The following FNDC3B variants were observed in gnomAD, a reference collection of about 807,000 sequenced individuals.
FNDC3B encodes the protein fibronectin type III domain containing 3B.
Under a neutral mutation model 151.5 loss-of-function variants are expected in FNDC3B, and 12 were observed. The ratio of observed to expected loss-of-function variants is 0.08; its 90% CI spans 0.05 to 0.13. FNDC3B has a LOEUF of 0.13. FNDC3B is among the 10% of genes least tolerant of loss of function. The pLI, the probability that FNDC3B is intolerant of heterozygous loss-of-function variation, is 1.00. For synonymous variants in FNDC3B, 528 were observed against 549.0 expected, an observed-to-expected ratio of 0.96 and a Z score of 0.54; for missense variants, 1,214 against 1,505.3, an observed-to-expected ratio of 0.81 and a Z score of 3.20.
intron 25 of FNDC3B, among the ~76,000 whole-genome samples, chr3:172,395,561 G>A (rs975786723): frequency 6.6e-6 from 1 of 152,136 alleles, no homozygotes; most frequent in African/African-American, 2.4e-5. Context: ...GAAAACTCAA[G>A]ACAGACCACC....
At chr3:172,367,970 G>A (rs1273121961) in intron 23 of FNDC3B, among the ~76,000 whole-genome samples, 2 of 152,190 alleles carry the variant, frequency 1.3e-5, no homozygotes, top group Admixed American at 6.5e-5. Context: ...GCTTTGTCAT[G>A]TTTACAGGGA....
chr3:172,129,589 T>G (rs1026312207), intron 2 of FNDC3B, among the ~76,000 whole-genome samples: 1 of 152,218 alleles, frequency 6.6e-6, no homozygotes, highest in African/African-American at 2.4e-5. Flanking sequence ...AACTCTTGTT[T>G]TATTGTTTCT....
At chr3:172,244,022 G>T (rs1012598553) in intron 4 of FNDC3B, among the ~76,000 whole-genome samples, 14 of 152,176 alleles carry the variant, frequency 9.2e-5, no homozygotes, top group African/African-American at 3.4e-4. Context: ...TATTTATTCT[G>T]ATTTCTGAAA....
At chr3:172,313,765 T>C (rs1326717581) in intron 11 of FNDC3B, among the ~76,000 whole-genome samples, 1 of 152,118 alleles carries the variant, frequency 6.6e-6, no homozygotes, top group Non-Finnish European at 1.5e-5. Flanking sequence ...CTTATAAAGA[T>C]GAAAAAATGG....
intron 25 of FNDC3B, among the ~76,000 whole-genome samples, chr3:172,393,229 C>G (rs959567751): frequency 1.6e-4 from 25 of 152,084 alleles, no homozygotes; most frequent in African/African-American, 5.3e-4. Context: ...CAAAAGAAAG[C>G]AGGGATAGCT....
chr3:172,121,680 A>T (rs1233029910), intron 2 of FNDC3B, among the ~76,000 whole-genome samples: 1 of 152,128 alleles, frequency 6.6e-6, no homozygotes, highest in Non-Finnish European at 1.5e-5. Context: ...TTAAGGGTAA[A>T]CTTTTCCTGG....
At chr3:172,226,416 AAAT>A (rs1386439773) in intron 3 of FNDC3B, among the ~76,000 whole-genome samples, 1 of 152,160 alleles carries the variant, frequency 6.6e-6, no homozygotes, top group African/African-American at 2.4e-5. Context: ...AATTTATTAA[AAAT>A]AATCTAACTG....
chr3:172,109,847 C>T (rs962137984), intron 1 of FNDC3B, among the ~76,000 whole-genome samples: 8 of 152,214 alleles, frequency 5.3e-5, no homozygotes, highest in Non-Finnish European at 1.5e-5. Context: ...ATAATGATCT[C>T]CTTGTGCCAG....
At position 172,221,688 on chromosome 3, in the gene FNDC3B, T is replaced by TA. The variant is rs992716311; in HGVS notation, c.188-5171dup. 2.6e-3 allele frequency among the ~76,000 whole-genome samples: 382 copies of TA among 145,922 alleles called. 1 individual carries two copies. The highest frequency in any genetic ancestry group is 6.1e-3 in the African/African-American group (243 of 40,048). ...TGGGATTAATCAGTGTTGAATAATT[T>TA]AAAAAAAAAAAAGAATGTCAAGGCT... On this transcript the variant is annotated intron_variant, in intron 3 of 25. Coordinates refer to ENST00000415807, the MANE Select transcript of FNDC3B (RefSeq NM_022763.4).
intron 1 of FNDC3B, among the ~76,000 whole-genome samples, chr3:172,084,343 C>T (rs909708886): frequency 6.6e-6 from 1 of 151,882 alleles, no homozygotes; most frequent in Non-Finnish European, 1.5e-5. Context: ...CCCAGCTATT[C>T]GGGAGGCAGA....
intron 6 of FNDC3B, among the ~76,000 whole-genome samples, chr3:172,280,488 A>T (rs1729651989): frequency 6.6e-6 from 1 of 152,226 alleles, no homozygotes; most frequent in Non-Finnish European, 1.5e-5. Context: ...TGTTAAAGAG[A>T]GTAGCTATGT....
intron 1 of FNDC3B, among the ~76,000 whole-genome samples, chr3:172,106,093 G>C (rs1212639165): frequency 1.3e-5 from 2 of 152,128 alleles, no homozygotes; most frequent in Admixed American, 1.3e-4. Flanking sequence ...TATTTGATGG[G>C]TTTTGAATTG....
chr3:172,058,453 CTT>C (rs76956209), intron 1 of FNDC3B, among the ~76,000 whole-genome samples: 45 of 135,050 alleles, frequency 3.3e-4, no homozygotes, highest in Admixed American at 3.0e-4. Flanking sequence ...CCTTAATTTT[CTT>C]TTTTTTTTTT....
intron 3 of FNDC3B, among the ~76,000 whole-genome samples, chr3:172,179,838 A>G (rs1723792931): frequency 7.2e-6 from 1 of 139,674 alleles, no homozygotes; most frequent in Non-Finnish European, 1.5e-5. Flanking sequence ...AGCCCAGGCA[A>G]CAGAGTGAGG....
intron 1 of FNDC3B, among the ~76,000 whole-genome samples, chr3:172,060,928 G>A (rs1490190257): frequency 6.6e-6 from 1 of 152,200 alleles, no homozygotes; most frequent in African/African-American, 2.4e-5. Context: ...CAAATTATGT[G>A]AAGATAGAAA....
chr3:172,196,047 TG>T (rs1175264706), intron 3 of FNDC3B, among the ~76,000 whole-genome samples: 1 of 152,202 alleles, frequency 6.6e-6, no homozygotes, highest in Non-Finnish European at 1.5e-5. Context: ...GGACACTTTC[TG>T]GGGAGCTGTG....
chr3:172,122,752 C>A (rs927970681), intron 2 of FNDC3B, among the ~76,000 whole-genome samples: 6 of 152,236 alleles, frequency 3.9e-5, no homozygotes, highest in East Asian at 1.9e-4. Flanking sequence ...AGTAGACAAG[C>A]ATTTGAATAA....
chr3:172,176,955 A>G (rs1372147545), intron 3 of FNDC3B, among the ~76,000 whole-genome samples: 1 of 152,084 alleles, frequency 6.6e-6, no homozygotes, highest in Non-Finnish European at 1.5e-5. Context: ...GAAAATTACT[A>G]AGACAAAACC....
At chr3:172,061,688 T>C (rs1431593291) in intron 1 of FNDC3B, among the ~76,000 whole-genome samples, 2 of 152,248 alleles carry the variant, frequency 1.3e-5, no homozygotes, top group Non-Finnish European at 2.9e-5. Flanking sequence ...AGTGATATTC[T>C]ATATTTTCCT....
Sources: gnomAD v4.1 joint callset for allele counts (sites outside exome capture counted in the v4.1 genomes callset) on GRCh38, gnomAD v4.1.1 for gene constraint, MANE v1.5 for transcripts, NCBI Gene and HGNC (gene_info 2026-07-23, HGNC 2026-07-21) for gene names.